Variants in GPHN observed in about 807,000 individuals in gnomAD.
GPHN encodes the protein gephyrin.
Under a neutral mutation model 95.5 loss-of-function variants are expected in GPHN, and 17 were observed. The observed-to-expected ratio is 0.18, with a 90% CI of 0.12 to 0.27. The LOEUF (loss-of-function observed/expected upper bound fraction) is 0.27. Ranked by LOEUF, GPHN falls within the 10% of genes least tolerant of loss-of-function variation. GPHN has a pLI of 1.00. For missense variants in GPHN, 660 were observed against 978.1 expected, an observed-to-expected ratio of 0.67 and a Z score of 4.34; for synonymous variants, 320 against 322.5, an observed-to-expected ratio of 0.99 and a Z score of 0.08.
the GPHN span, among the ~76,000 whole-genome samples, chr14:67,206,231 G>A: frequency 6.6e-6 from 1 of 152,020 alleles, no homozygotes; most frequent in East Asian, 1.9e-4. Context: ...GGGCACAGTG[G>A]CTCATGTCTG....
intron 1 of GPHN, among the ~76,000 whole-genome samples, chr14:66,600,692 A>T (rs1159008382): frequency 2.0e-5 from 3 of 152,108 alleles, no homozygotes; most frequent in Non-Finnish European, 2.9e-5. Context: ...GCTTAGGAAC[A>T]CTAGATAGCA....
chr14:66,725,233 G>A lies in GPHN; in HGVS notation c.143+44048G>A, dbSNP rs78704489. On this transcript the variant is annotated intron_variant, in intron 2 of 22. Transcript: ENST00000478722. ...TTGTTATGTAATCCACCCAGTGTATGTATTTTATTACAGCAGCCCTACCTG... is the reference window on the plus strand; with the variant it reads ...TTGTTATGTAATCCACCCAGTGTATATATTTTATTACAGCAGCCCTACCTG... 3.7e-3 allele frequency among the ~76,000 whole-genome samples: 564 copies of A among 152,290 alleles called. 7 individuals carry two copies. The highest frequency in any genetic ancestry group is 0.013 in the African/African-American group (527 of 41,558).
intron 2 of GPHN, among the ~76,000 whole-genome samples, chr14:66,746,795 G>GA (rs2058168610): frequency 6.6e-6 from 1 of 152,118 alleles, no homozygotes; most frequent in Admixed American, 6.5e-5. Context: ...GGGACATAGG[G>GA]AAAAAATTCT....
intron 2 of GPHN, among the ~76,000 whole-genome samples, chr14:66,743,574 A>G (rs991550407): frequency 2.0e-5 from 3 of 151,478 alleles, no homozygotes; most frequent in Non-Finnish European, 2.9e-5. Context: ...TTCTCTAGTA[A>G]AAAAAAATAC....
intron 1 of GPHN, among the ~76,000 whole-genome samples, chr14:66,625,364 T>C (rs905847999): frequency 2.4e-4 from 37 of 152,292 alleles, no homozygotes; most frequent in African/African-American, 8.7e-4. Context: ...TGGGCCACCA[T>C]GCCCGGCCAT....
the GPHN span, among the ~76,000 whole-genome samples, chr14:67,246,195 G>T: frequency 1.7e-4 from 25 of 151,440 alleles, no homozygotes; most frequent in Admixed American, 3.9e-4. Flanking sequence ...AGGCTGGAGT[G>T]CAGTGGTGTG....
intron 1 of GPHN, among the ~76,000 whole-genome samples, chr14:66,669,407 G>A (rs886351433): frequency 2.0e-5 from 3 of 149,692 alleles, no homozygotes; most frequent in Non-Finnish European, 3.0e-5. Context: ...TTTAGTTTTC[G>A]AATATTTGGC....
At chr14:67,356,484 A>C in the GPHN span, among the ~76,000 whole-genome samples, 1 of 152,066 alleles carries the variant, frequency 6.6e-6, no homozygotes, top group African/African-American at 2.4e-5. Flanking sequence ...AAATTCTTAA[A>C]TTATACTGGA....
intron 1 of GPHN, among the ~76,000 whole-genome samples, chr14:66,629,089 A>ATG (rs2063634615): frequency 3.7e-5 from 4 of 109,576 alleles, no homozygotes; most frequent in Non-Finnish European, 6.4e-5. Context: ...ACATATATAT[A>ATG]TATATAAATA....
At chr14:67,564,782 G>C in the GPHN span, among the ~76,000 whole-genome samples, 4 of 150,642 alleles carry the variant, frequency 2.7e-5, no homozygotes, top group East Asian at 7.8e-4. Flanking sequence ...TCAACTTCCC[G>C]GGCTCAAGCA....
intron 1 of GPHN, among the ~76,000 whole-genome samples, chr14:66,641,226 T>C (rs2064387006): frequency 6.6e-6 from 1 of 152,222 alleles, no homozygotes; most frequent in Non-Finnish European, 1.5e-5. Context: ...AAGCTATGCT[T>C]TGAATTTTGA....
At chr14:67,605,977 G>A in the GPHN span, among the ~76,000 whole-genome samples, 9 of 152,074 alleles carry the variant, frequency 5.9e-5, no homozygotes, top group African/African-American at 1.2e-4. Context: ...GTGAGCCACC[G>A]TACCTAGCTT....
At chr14:67,407,277 A>G in the GPHN span, among the ~76,000 whole-genome samples, 1 of 151,724 alleles carries the variant, frequency 6.6e-6, no homozygotes. Context: ...ACCCATCACC[A>G]CACCTGGCTA....
At chr14:67,656,550 T>C in the GPHN span, 4 of 1,613,798 alleles carry the variant, frequency 2.5e-6, no homozygotes, top group Non-Finnish European at 3.4e-6. Context: ...AGGCTTTCAG[T>C]GCCCTGCAGA....
At chr14:66,983,146 G>T (rs2070790640) in intron 9 of GPHN, among the ~76,000 whole-genome samples, 1 of 152,098 alleles carries the variant, frequency 6.6e-6, no homozygotes, top group Non-Finnish European at 1.5e-5. Context: ...CAGCTATTCA[G>T]GAGGCTGAGG....
intron 5 of GPHN, among the ~76,000 whole-genome samples, chr14:66,904,422 G>C (rs891580084): frequency 6.6e-6 from 1 of 152,108 alleles, no homozygotes; most frequent in African/African-American, 2.4e-5. Context: ...GCCACAGAGC[G>C]GTGATTGGTG....
chr14:67,419,894 G>T, the GPHN span, among the ~76,000 whole-genome samples: 1 of 152,010 alleles, frequency 6.6e-6, no homozygotes, highest in Non-Finnish European at 1.5e-5. Flanking sequence ...ACATGGCAGT[G>T]GGTCTGCATC....
At chr14:67,198,362 A>G in the GPHN span, 1 of 1,557,090 alleles carries the variant, frequency 6.4e-7, no homozygotes, top group Non-Finnish European at 8.8e-7. Flanking sequence ...CAATAACTTC[A>G]GTAATTTTCT....
rs545566665 is a variant in GPHN at position 66,952,869 on chromosome 14, T to C, written c.829-12322T>C. 2.1e-3 allele frequency among the ~76,000 whole-genome samples: 319 copies of C among 152,096 alleles called. 1 individual carries two copies. The highest frequency in any genetic ancestry group is 7.2e-3 in the African/African-American group (300 of 41,458). On this transcript the variant is annotated intron_variant, in intron 8 of 22. Transcript: ENST00000478722. ...GGCACCACGCCTGACTAATTTTTTG[T>C]ATTTTTAGTAGAGAAGGGGTTTCAC...
Sources: allele counts gnomAD v4.1 joint callset (sites outside exome capture counted in the v4.1 genomes callset), GRCh38; gene constraint gnomAD v4.1.1; transcripts MANE v1.5; gene names NCBI Gene and HGNC (gene_info 2026-07-23, HGNC 2026-07-21).